Variants in HOXD11 observed in about 807,000 individuals in gnomAD.
HOXD11 encodes homeobox protein Hox-D11.
Under a neutral mutation model 23.1 loss-of-function variants are expected in HOXD11, and 16 were observed. The ratio of observed to expected loss-of-function variants is 0.69; its 90% CI spans 0.47 to 1.05. The LOEUF (loss-of-function observed/expected upper bound fraction) is 1.05. Among genes scored for constraint, HOXD11 ranks in the 50% least tolerant of loss-of-function variants. The pLI is 0.00. For missense variants in HOXD11, 564 were observed against 495.6 expected, an observed-to-expected ratio of 1.14 and a Z score of -1.31; for synonymous variants, 262 against 224.4, an observed-to-expected ratio of 1.17 and a Z score of -1.50.
chr2:176,107,902 G>A lies in HOXD11; in HGVS notation c.547G>A (p.Glu183Lys). The A allele has an allele frequency of 2.1e-6, 3 of 1,442,882 alleles. No homozygotes were observed. The highest frequency in any genetic ancestry group is 1.5e-5 in the African/African-American group (1 of 67,218). The allele number at this position is 1,442,882 out of a possible 1,614,324, so 89.4% of individuals were successfully genotyped here. The change falls in exon 1 of 2, where the codon GAG (glutamate) becomes AAG (lysine). Residue 183 changes from glutamate to lysine, a missense_variant. Glu to Lys is a moderately conservative substitution (Grantham distance 56). Transcript: ENST00000249504. Reference sequence around the variant, plus strand: ...GCCACAGGGCTTCGACCAGTTCTACGAGGCAGCGCCCGGGCCCCCGTTCGC... The same window carrying A: ...GCCACAGGGCTTCGACCAGTTCTACAAGGCAGCGCCCGGGCCCCCGTTCGC... ...ILPQGFDQFY[E>K]AAPGPPFAGP...
At chr2:176,108,701 G>A (rs988847410) in intron 1 of HOXD11, 5 of 575,586 alleles carry the variant, frequency 8.7e-6, no homozygotes, top group Non-Finnish European at 1.5e-5. Flanking sequence ...GTGTGTGTCC[G>A]GGCGTGAACA....
downstream of HOXD11, among the ~76,000 whole-genome samples, chr2:176,112,760 G>T (rs1689695194): frequency 6.6e-6 from 1 of 152,236 alleles, no homozygotes; most frequent in Admixed American, 6.5e-5. Context: ...CTGGCTGTGC[G>T]GGGGCCCCTT....
intron 1 of HOXD11, chr2:176,108,656 GCT>G (rs1473991298): frequency 3.6e-6 from 1 of 274,256 alleles, no homozygotes; most frequent in Non-Finnish European, 6.4e-6. Flanking sequence ...TCCGTGCCAG[GCT>G]CTGTGTGTGT....
At chr2:176,108,824 C>A in intron 1 of HOXD11, 83 bp from the exon 2 acceptor site, 1 of 947,632 alleles carries the variant, frequency 1.1e-6, no homozygotes, top group Non-Finnish European at 1.6e-6. Flanking sequence ...GGGCCTGGCC[C>A]TCGCTCAGTG....
downstream of HOXD11, among the ~76,000 whole-genome samples, chr2:176,113,460 A>C (rs925874605): frequency 7.2e-5 from 11 of 152,152 alleles, no homozygotes; most frequent in Non-Finnish European, 1.0e-4. Flanking sequence ...TGCAATATTG[A>C]TTTATTATTA....
downstream of HOXD11, among the ~76,000 whole-genome samples, chr2:176,114,340 T>A (rs1689718470): frequency 1.3e-5 from 2 of 152,156 alleles, no homozygotes; most frequent in Admixed American, 1.3e-4. Flanking sequence ...TGTTTTGTTT[T>A]TCCGGCCATC....
downstream of HOXD11, among the ~76,000 whole-genome samples, chr2:176,111,834 A>AC (rs1689677942): frequency 6.8e-6 from 1 of 146,748 alleles, no homozygotes; most frequent in Non-Finnish European, 1.5e-5. Flanking sequence ...CGCAAAAAAA[A>AC]AAAAAAAAAA....
chr2:176,110,923 G>C (rs1176352087), downstream of HOXD11, among the ~76,000 whole-genome samples: 1 of 152,206 alleles, frequency 6.6e-6, no homozygotes, highest in Non-Finnish European at 1.5e-5. Flanking sequence ...GCTAGGAAAG[G>C]CTGAGAATTC....
downstream of HOXD11, among the ~76,000 whole-genome samples, chr2:176,114,414 G>A (rs149051593): frequency 6.6e-6 from 1 of 152,232 alleles, no homozygotes; most frequent in Non-Finnish European, 1.5e-5. Flanking sequence ...TTAAACCCCA[G>A]GCTATGCTGG....
At chr2:176,110,519 C>T (rs1249494808), downstream of HOXD11, among the ~76,000 whole-genome samples, 1 of 152,206 alleles carries the variant, frequency 6.6e-6, no homozygotes, top group Non-Finnish European at 1.5e-5. Flanking sequence ...CCCCATGCAT[C>T]TTCCAAGGAG....
downstream of HOXD11, among the ~76,000 whole-genome samples, chr2:176,110,446 A>G (rs1437855565): frequency 6.6e-6 from 1 of 152,212 alleles, no homozygotes; most frequent in African/African-American, 2.4e-5. Context: ...AGTGAAGTGA[A>G]TCTTATGAGT....
rs765392064 is a variant in HOXD11, at chr2:176,107,498, C to G, written c.143C>G (p.Ser48Cys). Residue 48 changes from serine (S) to cysteine (C), a missense_variant, in exon 1 of 2, where the codon TCT becomes TGT. Transcript: ENST00000249504. ...TCCTGCCAGATGACTTTCCCCTACTCTTCCAACCTGGCTCCGCACGTCCAG... is the reference window on the plus strand; with the variant it reads ...TCCTGCCAGATGACTTTCCCCTACTGTTCCAACCTGGCTCCGCACGTCCAG... Reference protein sequence around the residue: ...PSSCQMTFPYSSNLAPHVQPV... With the variant: ...PSSCQMTFPYCSNLAPHVQPV... 6.2e-7 allele frequency: 1 copy of G among 1,613,816 alleles called. No homozygotes were observed. Among genetic ancestry groups the G allele is most frequent in the Non-Finnish European group, 8.5e-7 (1 of 1,179,906 alleles).
At chr2:176,114,966 T>TCCAAGCCCTGGCCGGCC in the HOXD11 span, among the ~76,000 whole-genome samples, 3 of 152,224 alleles carry the variant, frequency 2.0e-5, no homozygotes, top group East Asian at 5.8e-4. Flanking sequence ...GAAGGACGGC[T>TCCAAGCCCTGGCCGGCC]CCAAGCCCTG....
downstream of HOXD11, among the ~76,000 whole-genome samples, chr2:176,110,331 A>G (rs1013395319): frequency 1.3e-5 from 2 of 152,242 alleles, no homozygotes; most frequent in African/African-American, 4.8e-5. Flanking sequence ...CCAAAGTTCT[A>G]AACAGCTTAA....
chr2:176,108,909 G>A lies in HOXD11; in HGVS notation c.784G>A (p.Ala262Thr). The change falls in exon 2 of 2, where the codon GCC becomes ACC. Residue 262 changes from alanine to threonine, a missense_variant and splice_region_variant. Coordinates refer to ENST00000249504, the MANE Select transcript of HOXD11 (RefSeq NM_021192.3). ...CCCCTGGTCTCTTTGCCTTGCAGTT[G>A]CCCCCCAGCGGTCCCGGAAAAAGCG... Reference protein sequence around the residue: ...AGAEKSSSAVAPQRSRKKRCP... With the variant: ...AGAEKSSSAVTPQRSRKKRCP... The A allele has an allele frequency of 6.2e-7, 1 of 1,611,392 alleles. No homozygotes were observed. Among genetic ancestry groups the A allele is most frequent in the Non-Finnish European group, 8.5e-7 (1 of 1,177,698 alleles).
chr2:176,110,921 A>T (rs1689664162), downstream of HOXD11, among the ~76,000 whole-genome samples: 1 of 152,242 alleles, frequency 6.6e-6, no homozygotes, highest in East Asian at 1.9e-4. Context: ...CAGCTAGGAA[A>T]GGCTGAGAAT....
At chr2:176,114,579 A>G (rs1341507912), downstream of HOXD11, among the ~76,000 whole-genome samples, 1 of 152,094 alleles carries the variant, frequency 6.6e-6, no homozygotes, top group Non-Finnish European at 1.5e-5. Context: ...CCGAGAGGGA[A>G]CAGGCGAAAG....
chr2:176,112,992 A>C (rs1416241910), downstream of HOXD11, among the ~76,000 whole-genome samples: 3 of 152,224 alleles, frequency 2.0e-5, no homozygotes, highest in Non-Finnish European at 4.4e-5. Context: ...TGGAAGGGAA[A>C]TGCGCGAAGT....
chr2:176,112,016 G>A (rs1201759446), downstream of HOXD11, among the ~76,000 whole-genome samples: 1 of 152,110 alleles, frequency 6.6e-6, no homozygotes, highest in Non-Finnish European at 1.5e-5. Flanking sequence ...CCTGGAGTGC[G>A]CGGCTACCAG....
Sources: allele counts gnomAD v4.1 joint callset (sites outside exome capture counted in the v4.1 genomes callset), GRCh38; gene constraint gnomAD v4.1.1; transcripts MANE v1.5; gene names NCBI Gene and HGNC (gene_info 2026-07-23, HGNC 2026-07-21).